HMGXB4: variants seen among roughly 807,000 people sequenced by gnomAD.
The protein encoded by HMGXB4 is HMG domain-containing protein 4.
A neutral mutation model predicts 63.9 loss-of-function variants in HMGXB4; 27 were observed. The ratio of observed to expected loss-of-function variants is 0.42; its 90% CI spans 0.31 to 0.58. The LOEUF is 0.58. Among genes scored for constraint, HMGXB4 ranks in the 20% least tolerant of loss-of-function variants. HMGXB4 has a pLI of 0.13. For synonymous variants in HMGXB4, 264 were observed against 265.3 expected (o/e 0.99, Z 0.05); for missense variants, 624 against 700.7 (o/e 0.89, Z 1.24).
chr22:35,262,829 T>A, intron 2 of HMGXB4: 1 of 547,638 alleles, frequency 1.8e-6, no homozygotes, highest in Admixed American at 3.5e-5. Context: ...AGAAACCATA[T>A]CTGAGGTTGC....
intron 5 of HMGXB4, among the ~76,000 whole-genome samples, chr22:35,274,147 C>T (rs531165880): frequency 2.8e-4 from 43 of 152,230 alleles, no homozygotes; most frequent in African/African-American, 7.0e-4. Context: ...GGCATGGGCG[C>T]GGAGTACTGA....
chr22:35,283,172 A>G (rs1431365793), intron 5 of HMGXB4, among the ~76,000 whole-genome samples: 1 of 152,250 alleles, frequency 6.6e-6, no homozygotes, highest in Non-Finnish European at 1.5e-5. Flanking sequence ...ATGAGAAGCT[A>G]CAAATGACAA....
intron 6 of HMGXB4, among the ~76,000 whole-genome samples, chr22:35,285,437 C>G (rs543722515): frequency 1.1e-4 from 16 of 152,226 alleles, no homozygotes; most frequent in African/African-American, 3.9e-4. Context: ...CCCAGCTACT[C>G]CGGAGGCTGA....
chr22:35,286,621 G>A (rs1330936841), intron 7 of HMGXB4, among the ~76,000 whole-genome samples: 4 of 152,048 alleles, frequency 2.6e-5, no homozygotes, highest in Non-Finnish European at 5.9e-5. Flanking sequence ...AGGCTGAGGC[G>A]GTGGATCACC....
chr22:35,255,908 C>T (rs1333151479), upstream of HMGXB4, among the ~76,000 whole-genome samples: 1 of 152,274 alleles, frequency 6.6e-6, no homozygotes, highest in African/African-American at 2.4e-5. Context: ...TTTGGTGAAA[C>T]TCATTGCCTG....
intron 1 of HMGXB4, among the ~76,000 whole-genome samples, chr22:35,261,137 A>G (rs1405598848): frequency 1.3e-5 from 2 of 152,230 alleles, no homozygotes; most frequent in East Asian, 3.8e-4. Context: ...TTCTTAAAAC[A>G]TTTAAAGAAC....
rs550485092 is a variant in HMGXB4, at chr22:35,293,951, G to A, written c.*300G>A. ...TGCCTTAAAAATCAATGTAACTTGGGGGCTGGGGGCTTGTTCTGGGTGCCA... is the reference window on the plus strand; with the variant it reads ...TGCCTTAAAAATCAATGTAACTTGGAGGCTGGGGGCTTGTTCTGGGTGCCA... On this transcript the variant is annotated 3_prime_UTR_variant, in exon 11 of 11. Transcript: ENST00000216106. 8 of 196,458 alleles carry A rather than the reference G, an allele frequency of 4.1e-5. No homozygotes were observed. The South Asian group carries it at 1.0e-3, about 25-fold the overall frequency. 12.2% of individuals were successfully genotyped at this position (196,458 alleles called of 1,614,324 possible).
At chr22:35,246,486 G>A in the HMGXB4 span, among the ~76,000 whole-genome samples, 1 of 152,164 alleles carries the variant, frequency 6.6e-6, no homozygotes, top group South Asian at 2.1e-4. Flanking sequence ...TGTTAGCCAG[G>A]ATGGTCTCAA....
Position 35,262,314 on chromosome 22 carries a change from G to A in HMGXB4, c.-68-9G>A. On this transcript the variant is annotated splice_polypyrimidine_tract_variant and intron_variant, in intron 1 of 10. Coordinates refer to ENST00000216106, the MANE Select transcript of HMGXB4 (RefSeq NM_001003681.3). ...CATTACAGGAGGGTTTTCCTTCTTT[G>A]TTTCTCAGACCTGGTCCTGTAGACG... 6.8e-7 allele frequency: 1 copy of A among 1,470,330 alleles called. No individual in the cohort carries two copies. The highest frequency in any genetic ancestry group is 9.5e-7 in the Non-Finnish European group (1 of 1,050,832). 91.1% of individuals were successfully genotyped at this position (1,470,330 alleles called of 1,614,324 possible).
At chr22:35,292,716 C>T (rs911074880) in intron 9 of HMGXB4, among the ~76,000 whole-genome samples, 1 of 152,122 alleles carries the variant, frequency 6.6e-6, no homozygotes, top group Non-Finnish European at 1.5e-5. Flanking sequence ...TTTACTGTTC[C>T]TGTTAAGGAG....
chr22:35,270,714 G>T lies in HMGXB4; in HGVS notation c.1215+5111G>T, dbSNP rs149509931. On this transcript the variant is annotated intron_variant, in intron 5 of 10. Transcript: ENST00000216106. ...AAGGACTTATCTATAATTTGCCCATGTGGCTAGCAGTTGCTAGTGAAAAAT... is the reference window on the plus strand; with the variant it reads ...AAGGACTTATCTATAATTTGCCCATTTGGCTAGCAGTTGCTAGTGAAAAAT... Among the ~76,000 whole-genome samples the T allele has an allele frequency of 4.5e-4, 69 of 152,346 alleles. No individual in the cohort carries two copies. The East Asian group carries it at 0.013, about 29-fold the overall frequency.
intron 5 of HMGXB4, among the ~76,000 whole-genome samples, chr22:35,282,108 A>T (rs1311391983): frequency 6.6e-6 from 1 of 152,220 alleles, no homozygotes; most frequent in Non-Finnish European, 1.5e-5. Flanking sequence ...TTTGGTTTTC[A>T]TCACAAAACC....
At chr22:35,271,121 G>A (rs1039302956) in intron 5 of HMGXB4, among the ~76,000 whole-genome samples, 15 of 151,784 alleles carry the variant, frequency 9.9e-5, no homozygotes, top group Admixed American at 9.8e-4. Context: ...AATTAGCCAG[G>A]CATGGTGGCA....
chr22:35,253,616 CGT>C (rs398061917), upstream of HMGXB4, among the ~76,000 whole-genome samples: 476 of 106,536 alleles, frequency 4.5e-3, 4 homozygotes, highest in Middle Eastern at 0.045. Flanking sequence ...CGCGCGCGCG[CGT>C]GTGTGTGTGT....
intron 6 of HMGXB4, among the ~76,000 whole-genome samples, chr22:35,285,280 C>A (rs1924497554): frequency 6.6e-6 from 1 of 152,212 alleles, no homozygotes; most frequent in South Asian, 2.1e-4. Flanking sequence ...CGTGGTGGCT[C>A]ACGCCTGTAA....
Position 35,265,091 on chromosome 22 carries a change from T to A in HMGXB4, c.703T>A (p.Leu235Ile), listed in dbSNP as rs747637071. 1.2e-6 allele frequency: 2 copies of A among 1,614,106 alleles called. No individual in the cohort carries two copies. Among genetic ancestry groups the A allele is most frequent in the South Asian group, 2.2e-5 (2 of 91,080 alleles). Residue 235 changes from leucine (L) to isoleucine (I), a missense_variant, in exon 5 of 11, where the codon TTA (leucine) becomes ATA (isoleucine). Transcript: ENST00000216106. ...ATCAGCTCGGGATGAGCAGGGTGCTTTACTCCTAGGACATGAGTTACAGAG... is the reference window on the plus strand; with the variant it reads ...ATCAGCTCGGGATGAGCAGGGTGCTATACTCCTAGGACATGAGTTACAGAG... ...KKSARDEQGA[L>I]LLGHELQSFL...
At position 35,289,426 on chromosome 22, in the gene HMGXB4, C is replaced by G. The variant is rs558137919; in HGVS notation, c.1638+1019C>G. ...AGTAAGCTATGATTGCTGCACTGCC[C>G]TCCAGCCTGGGTGACAGAGCAAGAC... On this transcript the variant is annotated intron_variant, in intron 9 of 10. Coordinates refer to ENST00000216106, the MANE Select transcript of HMGXB4 (RefSeq NM_001003681.3). Among the ~76,000 whole-genome samples the G allele has an allele frequency of 1.8e-4, 28 of 152,242 alleles. No individual in the cohort carries two copies. In the East Asian group the frequency reaches 5.4e-3, roughly 29 times the overall value.
intron 5 of HMGXB4, among the ~76,000 whole-genome samples, chr22:35,269,798 A>C (rs1038093805): frequency 6.6e-6 from 1 of 152,150 alleles, no homozygotes; most frequent in African/African-American, 2.4e-5. Flanking sequence ...CTTGAGTCCA[A>C]GAGTTCAAGG....
intron 5 of HMGXB4, among the ~76,000 whole-genome samples, chr22:35,266,801 A>G (rs1005124499): frequency 1.3e-5 from 2 of 152,070 alleles, no homozygotes; most frequent in African/African-American, 4.8e-5. Flanking sequence ...TGGGCAACAT[A>G]GCGAAACCCA....
Sources: gnomAD v4.1 joint callset for allele counts (sites outside exome capture counted in the v4.1 genomes callset) on GRCh38, gnomAD v4.1.1 for gene constraint, MANE v1.5 for transcripts, NCBI Gene and HGNC (gene_info 2026-07-23, HGNC 2026-07-21) for gene names.